The following PTPRD variants were observed in gnomAD, a reference collection of about 807,000 sequenced individuals.
The protein encoded by PTPRD is protein tyrosine phosphatase receptor type D, also known as receptor-type tyrosine-protein phosphatase delta.
PTPRD carries 34 observed loss-of-function variants against 214.5 expected under a neutral mutation model. The observed-to-expected ratio is 0.16, with a 90% CI of 0.12 to 0.21. The LOEUF (loss-of-function observed/expected upper bound fraction) is 0.21, where lower values mean the gene tolerates loss of function less well. Among genes scored for constraint, PTPRD ranks in the 10% least tolerant of loss-of-function variants. PTPRD has a pLI of 1.00. For missense variants in PTPRD, 2,545 were observed against 2,398.7 expected, an observed-to-expected ratio of 1.06 and a Z score of -1.27; for synonymous variants, 1,128 against 845.7, an observed-to-expected ratio of 1.33 and a Z score of -5.79.
rs114830649 is a variant in PTPRD at position 9,202,604 on chromosome 9, G to A, written c.-202-19241C>T. Among the ~76,000 whole-genome samples, 1,361 of 152,264 alleles carry A rather than the reference G, an allele frequency of 8.9e-3. 17 individuals are homozygous for A. Among genetic ancestry groups the A allele is most frequent in the African/African-American group, 0.032 (1,318 of 41,550 alleles). On this transcript the variant is annotated intron_variant, in intron 9 of 45. Transcript: ENST00000381196. ...ATCTTCTCTAGTTGGGGGATGGGGG[G>A]TGTAGTGGTACATTATTAGTTGTTG... is the stretch of plus-strand genomic sequence containing the variant.
intron 11 of PTPRD, among the ~76,000 whole-genome samples, chr9:9,008,199 C>A (rs1392843900): frequency 2.0e-5 from 1 of 49,204 alleles, no homozygotes; most frequent in Non-Finnish European, 5.1e-5. Flanking sequence ...GGCCTTCTCC[C>A]CTTCATTTTA....
At chr9:8,895,325 T>G (rs2098600131) in intron 11 of PTPRD, among the ~76,000 whole-genome samples, 2 of 152,164 alleles carry the variant, frequency 1.3e-5, no homozygotes, top group Non-Finnish European at 2.9e-5. Flanking sequence ...TCTTTTTGGT[T>G]GCCAAAATAA....
intron 2 of PTPRD, among the ~76,000 whole-genome samples, chr9:10,601,298 T>C (rs1300389443): frequency 6.6e-6 from 1 of 150,920 alleles, no homozygotes; most frequent in Non-Finnish European, 1.5e-5. Context: ...AGAATTTGAT[T>C]TAAAAAAAAA....
chr9:8,470,259 T>C (rs780345376), intron 31 of PTPRD, among the ~76,000 whole-genome samples: 1 of 152,136 alleles, frequency 6.6e-6, no homozygotes, highest in African/African-American at 2.4e-5. Flanking sequence ...TTCTGGATCA[T>C]ATTTTCTTGC....
chr9:9,526,326 A>AT (rs749601723), intron 8 of PTPRD, among the ~76,000 whole-genome samples: 3 of 152,034 alleles, frequency 2.0e-5, no homozygotes, highest in Non-Finnish European at 4.4e-5. Context: ...CATGGACATG[A>AT]TTTTCTCTAG....
rs1193976375 is a variant in PTPRD, at chr9:9,831,608, A to T, written c.-367-64757T>A. Among the ~76,000 whole-genome samples, 4 of 152,002 alleles carry T rather than the reference A, an allele frequency of 2.6e-5. No homozygotes were observed. The South Asian group carries it at 8.3e-4, about 31-fold the overall frequency. On this transcript the variant is annotated intron_variant, in intron 5 of 45. Transcript: ENST00000381196. ...TTGCAACAGAAAGTCAGTAATCCAC[A>T]TGCTTGCTAACCAACTACCTCTCAA...
chr9:8,965,081 A>C (rs2099185198), intron 11 of PTPRD, among the ~76,000 whole-genome samples: 1 of 152,096 alleles, frequency 6.6e-6, no homozygotes, highest in Non-Finnish European at 1.5e-5. Flanking sequence ...GTTTAAGTTC[A>C]GGATTCCTTT....
At chr9:9,553,996 A>T (rs1176560394) in intron 8 of PTPRD, among the ~76,000 whole-genome samples, 1 of 152,050 alleles carries the variant, frequency 6.6e-6, no homozygotes, top group Non-Finnish European at 1.5e-5. Context: ...AATGAGTTGG[A>T]CAATGATGGG....
intron 2 of PTPRD, among the ~76,000 whole-genome samples, chr9:10,553,954 A>T (rs999471660): frequency 6.6e-6 from 1 of 152,030 alleles, no homozygotes; most frequent in African/African-American, 2.4e-5. Flanking sequence ...GCTGTTTTTA[A>T]TTTTTTCTAC....
intron 9 of PTPRD, among the ~76,000 whole-genome samples, chr9:9,247,296 C>T (rs1449369189): frequency 6.6e-6 from 1 of 152,036 alleles, no homozygotes; most frequent in Non-Finnish European, 1.5e-5. Context: ...CAGTCTATTA[C>T]TATTAGATCA....
At chr9:9,397,808 A>G (rs944763649) in intron 8 of PTPRD, among the ~76,000 whole-genome samples, 7 of 151,954 alleles carry the variant, frequency 4.6e-5, no homozygotes, top group African/African-American at 4.8e-5. Flanking sequence ...CTTTAATACA[A>G]TCTTGGTCCT....
intron 11 of PTPRD, among the ~76,000 whole-genome samples, chr9:8,942,488 G>T (rs1438764772): frequency 6.6e-6 from 1 of 152,116 alleles, no homozygotes; most frequent in Non-Finnish European, 1.5e-5. Flanking sequence ...TTAGTGATGA[G>T]ATCAAACACT....
At chr9:8,366,565 G>A (rs1308734277) in intron 39 of PTPRD, among the ~76,000 whole-genome samples, 4 of 152,174 alleles carry the variant, frequency 2.6e-5, no homozygotes, top group Non-Finnish European at 5.9e-5. Context: ...TAAGTGTGCT[G>A]TCCCAGAAAT....
chr9:9,868,107 T>C (rs907751008), intron 5 of PTPRD, among the ~76,000 whole-genome samples: 3 of 152,186 alleles, frequency 2.0e-5, no homozygotes, highest in African/African-American at 7.2e-5. Flanking sequence ...TAGACCACTA[T>C]GCTTTTGGCA....
At chr9:9,711,710 C>A (rs778901760) in intron 7 of PTPRD, among the ~76,000 whole-genome samples, 5 of 152,094 alleles carry the variant, frequency 3.3e-5, no homozygotes, top group Non-Finnish European at 5.9e-5. Flanking sequence ...CTACATGTAG[C>A]GGGGAGAAAC....
chr9:10,302,021 G>C (rs1332456297), intron 3 of PTPRD, among the ~76,000 whole-genome samples: 1 of 152,158 alleles, frequency 6.6e-6, no homozygotes, highest in Non-Finnish European at 1.5e-5. Context: ...CAGCCAGAGG[G>C]AAAGCTTGGG....
chr9:9,578,274 A>G (rs1292191810), intron 7 of PTPRD, among the ~76,000 whole-genome samples: 1 of 152,204 alleles, frequency 6.6e-6, no homozygotes, highest in East Asian at 1.9e-4. Context: ...GAAATCTTGA[A>G]AAGTTATACA....
At chr9:8,604,718 T>A (rs1158075056) in intron 14 of PTPRD, among the ~76,000 whole-genome samples, 5 of 152,176 alleles carry the variant, frequency 3.3e-5, no homozygotes, top group Non-Finnish European at 7.3e-5. Flanking sequence ...AATTATCTCC[T>A]AAGCTATTGC....
intron 8 of PTPRD, among the ~76,000 whole-genome samples, chr9:9,418,643 A>G (rs529775277): frequency 6.6e-6 from 1 of 152,130 alleles, no homozygotes; most frequent in South Asian, 2.1e-4. Flanking sequence ...GATAGCATAC[A>G]TACTATTGGC....
Sources: gnomAD v4.1 joint callset for allele counts (sites outside exome capture counted in the v4.1 genomes callset) on GRCh38, gnomAD v4.1.1 for gene constraint, MANE v1.5 for transcripts, NCBI Gene and HGNC (gene_info 2026-07-23, HGNC 2026-07-21) for gene names.